The following ZDHHC13 variants were observed in gnomAD, a reference collection of about 807,000 sequenced individuals.
ZDHHC13 encodes zDHHC palmitoyltransferase 13.
A neutral mutation model predicts 86.0 loss-of-function variants in ZDHHC13; 85 were observed. That is an observed-to-expected ratio of 0.99 (90% CI 0.83 to 1.18). The LOEUF (loss-of-function observed/expected upper bound fraction) is 1.18, where lower values mean the gene tolerates loss of function less well. Ranked by LOEUF, ZDHHC13 falls within the 50% of genes most tolerant of loss-of-function variation. The pLI is 0.00. For synonymous variants in ZDHHC13, 263 were observed against 246.4 expected (o/e 1.07, Z -0.63); for missense variants, 711 against 730.2 (o/e 0.97, Z 0.30).
At chr11:19,162,963 A>G (rs955015253) in intron 10 of ZDHHC13, among the ~76,000 whole-genome samples, 10 of 152,200 alleles carry the variant, frequency 6.6e-5, no homozygotes, top group African/African-American at 2.4e-4. Flanking sequence ...TAAAATGATC[A>G]AAGAATATTT....
At chr11:19,164,138 A>G in intron 11 of ZDHHC13, 163 bp from the exon 12 acceptor site, 1 of 646,284 alleles carries the variant, frequency 1.5e-6, no homozygotes, top group East Asian at 3.0e-5. Context: ...TGCAACCTTG[A>G]AGAGTCACAT....
chr11:19,176,172 T>TA lies in ZDHHC13; in HGVS notation c.*222dup, dbSNP rs375550311. 8,805 of 343,060 alleles carry TA rather than the reference T, an allele frequency of 0.026. No individual in the cohort carries two copies. Among genetic ancestry groups the TA allele is most frequent in the East Asian group, 0.035 (700 of 20,008 alleles). The allele number at this position is 343,060 out of a possible 1,614,324, so 21.3% of individuals were successfully genotyped here. A position where few individuals can be genotyped will look rare whatever the true frequency, so the allele number is the denominator to read the frequency against. Reference sequence around the variant, plus strand: ...TTTCTGATAAATCTTGGCAGACATCTAAAAAAAAAACCATATTTTTCACAA... The same window carrying TA: ...TTTCTGATAAATCTTGGCAGACATCTAAAAAAAAAAACCATATTTTTCACAA... On this transcript the variant is annotated 3_prime_UTR_variant, in exon 17 of 17. Coordinates refer to ENST00000446113, the MANE Select transcript of ZDHHC13 (RefSeq NM_019028.3).
intron 1 of ZDHHC13, among the ~76,000 whole-genome samples, chr11:19,129,263 A>G (rs759226886): frequency 2.0e-4 from 31 of 152,070 alleles, no homozygotes; most frequent in Non-Finnish European, 3.4e-4. Context: ...CTATTTTATT[A>G]TGCTGTCTGG....
At chr11:19,170,798 C>T (rs1850201901) in intron 15 of ZDHHC13, among the ~76,000 whole-genome samples, 1 of 152,136 alleles carries the variant, frequency 6.6e-6, no homozygotes. Context: ...TAAAGGTTAG[C>T]ATAATAAATT....
In ZDHHC13 at chr11:19,176,113, G is replaced by A. The variant is rs536924281; in HGVS notation, c.*153G>A. The A allele has an allele frequency of 2.4e-5, 17 of 704,024 alleles. No individual in the cohort carries two copies. Among genetic ancestry groups the A allele is most frequent in the African/African-American group, 2.2e-4 (12 of 54,330 alleles). The allele number at this position is 704,024 out of a possible 1,614,324, so 43.6% of individuals were successfully genotyped here. A position where few individuals can be genotyped will look rare whatever the true frequency, so the allele number is the denominator to read the frequency against. ...TAGGTAAAAAAAGTTCTCAATAAAG[G>A]CATTACAATTTTTTAGGTTTAGAAA... is the stretch of plus-strand genomic sequence containing the variant. On this transcript the variant is annotated 3_prime_UTR_variant, in exon 17 of 17. Coordinates refer to ENST00000446113, the MANE Select transcript of ZDHHC13 (RefSeq NM_019028.3).
intron 1 of ZDHHC13, among the ~76,000 whole-genome samples, chr11:19,120,064 A>C (rs1046944126): frequency 6.6e-6 from 1 of 152,212 alleles, no homozygotes; most frequent in Non-Finnish European, 1.5e-5. Flanking sequence ...CTTATATACA[A>C]TTTAGAAAAA....
rs758861393 is a variant in ZDHHC13, at chr11:19,152,577, A to G, written c.766A>G (p.Met256Val). ...QNVKGETPLD[M>V]ALQNKNQLII... Reference sequence around the variant, plus strand: ...TTTTAAGGGAGAAACACCTCTTGATATGGCTCTACAAAACAAAAATCAGCT... The same window carrying G: ...TTTTAAGGGAGAAACACCTCTTGATGTGGCTCTACAAAACAAAAATCAGCT... Residue 256 changes from methionine (M) to valine (V), a missense_variant, in exon 8 of 17, where the codon ATG becomes GTG. Physicochemically the swap from Met to Val is conservative, Grantham distance 21 (BLOSUM62 1). Coordinates refer to ENST00000446113, the MANE Select transcript of ZDHHC13 (RefSeq NM_019028.3). The G allele has an allele frequency of 1.2e-6, 2 of 1,612,260 alleles. No homozygotes were observed. The highest frequency in any genetic ancestry group is 1.3e-5 in the African/African-American group (1 of 74,978).
chr11:19,124,765 G>GC (rs1037139539), intron 1 of ZDHHC13, among the ~76,000 whole-genome samples: 1 of 151,652 alleles, frequency 6.6e-6, no homozygotes, highest in Non-Finnish European at 1.5e-5. Context: ...GTGTGTGTGG[G>GC]GGGGTACTGA....
At chr11:19,142,352 G>T (rs552463956) in intron 1 of ZDHHC13, among the ~76,000 whole-genome samples, 4 of 152,296 alleles carry the variant, frequency 2.6e-5, no homozygotes, top group Non-Finnish European at 4.4e-5. Flanking sequence ...TCTTGCTTCA[G>T]TTGGCTAAGA....
chr11:19,155,800 T>C lies in ZDHHC13; in HGVS notation c.878T>C (p.Phe293Ser). 1.2e-6 allele frequency: 2 copies of C among 1,611,644 alleles called. No individual in the cohort carries two copies. Among genetic ancestry groups the C allele is most frequent in the Non-Finnish European group, 1.7e-6 (2 of 1,179,486 alleles). The change falls in exon 9 of 17, where the codon TTC (phenylalanine) becomes TCC (serine). Residue 293 changes from phenylalanine (F) to serine (S), a missense_variant. By Grantham distance (155) the Phe-to-Ser change is radical. Transcript: ENST00000446113. ...LWRWLQKCEL[F>S]LLLMLSVITM... ...AAATTCTGAATCTCTTAATAGCTCT[T>C]CCTGCTGCTGATGCTTTCTGTGATT... is the stretch of plus-strand genomic sequence containing the variant.
chr11:19,141,459 T>C (rs1034071448), intron 1 of ZDHHC13, among the ~76,000 whole-genome samples: 1 of 152,236 alleles, frequency 6.6e-6, no homozygotes, highest in South Asian at 2.1e-4. Flanking sequence ...GTGAGCATCA[T>C]TTGTGCTAAA....
At position 19,129,824 on chromosome 11, in the gene ZDHHC13, C is replaced by G. The variant is rs143287976; in HGVS notation, c.27+12548C>G. 6.9e-3 allele frequency among the ~76,000 whole-genome samples: 1,044 copies of G among 152,086 alleles called. 9 individuals are homozygous for G. The highest frequency in any genetic ancestry group is 0.024 in the African/African-American group (985 of 41,482). ...AAATGAGCTGGGGGCCGGGTGCGGT[C>G]GCTCACACCTGTAATCCCAGCACTT... On this transcript the variant is annotated intron_variant, in intron 1 of 16. Coordinates refer to ENST00000446113, the MANE Select transcript of ZDHHC13 (RefSeq NM_019028.3).
chr11:19,172,748 A>G lies in ZDHHC13; in HGVS notation c.1658A>G (p.His553Arg), dbSNP rs772849764. 8 of 1,604,322 alleles carry G rather than the reference A, an allele frequency of 5.0e-6. No individual in the cohort carries two copies. The African/African-American group carries it at 6.7e-5, about 13-fold the overall frequency. Reference protein sequence around the residue: ...FQIAFLGLTSHERISLQKQSK... With the variant: ...FQIAFLGLTSRERISLQKQSK... Reference sequence around the variant, plus strand: ...ATTGCCTTTCTGGGCCTGACCTCCCATGAGAGAATCAGCCTGCAGAAGCAG... The same window carrying G: ...ATTGCCTTTCTGGGCCTGACCTCCCGTGAGAGAATCAGCCTGCAGAAGCAG... Residue 553 changes from histidine to arginine, a missense_variant, in exon 16 of 17, where the codon CAT becomes CGT. Physicochemically the swap from His to Arg is conservative, Grantham distance 29. Coordinates refer to ENST00000446113, the MANE Select transcript of ZDHHC13 (RefSeq NM_019028.3).
At position 19,149,287 on chromosome 11, in the gene ZDHHC13, T is replaced by C. The variant is rs1460778384; in HGVS notation, c.475T>C (p.Phe159Leu). ...GFSSIHLAVL[F>L]QHMPIIAYLI... ...CAGCAGCATCCACCTGGCAGTATTG[T>C]TTCAACACATGCCTATTATAGCATA... Residue 159 changes from phenylalanine (F) to leucine (L), a missense_variant, in exon 5 of 17, where the codon TTT (phenylalanine) becomes CTT (leucine). Transcript: ENST00000446113. 6.2e-7 allele frequency: 1 copy of C among 1,605,720 alleles called. No homozygotes were observed. Among genetic ancestry groups the C allele is most frequent in the Non-Finnish European group, 8.5e-7 (1 of 1,175,304 alleles).
intron 16 of ZDHHC13, among the ~76,000 whole-genome samples, chr11:19,173,368 G>T (rs1850276210): frequency 6.6e-6 from 1 of 152,202 alleles, no homozygotes; most frequent in African/African-American, 2.4e-5. Flanking sequence ...GAAAATGAGA[G>T]TATGTATAGA....
chr11:19,132,394 G>T (rs561795756), intron 1 of ZDHHC13, among the ~76,000 whole-genome samples: 2 of 152,114 alleles, frequency 1.3e-5, no homozygotes, highest in Non-Finnish European at 2.9e-5. Context: ...AAGAGTCTCC[G>T]CTTTGGCTGA....
Position 19,127,399 on chromosome 11 carries a change from T to C in ZDHHC13, c.27+10123T>C, listed in dbSNP as rs1050668683. On this transcript the variant is annotated intron_variant, in intron 1 of 16. Coordinates refer to ENST00000446113, the MANE Select transcript of ZDHHC13 (RefSeq NM_019028.3). ...AAATATTGTCTCCCATTTTGTAGGA[T>C]GTCTGTTTACTCTGTTGATAGTTTA... 7.2e-5 allele frequency among the ~76,000 whole-genome samples: 11 copies of C among 152,358 alleles called. No individual in the cohort carries two copies. The East Asian group carries it at 2.1e-3, about 29-fold the overall frequency.
chr11:19,142,998 C>T lies in ZDHHC13; in HGVS notation c.48C>T (p.Gly16=), dbSNP rs755756854. 3.0e-5 allele frequency: 48 copies of T among 1,609,520 alleles called. No individual in the cohort carries two copies. The highest frequency in any genetic ancestry group is 3.3e-4 in the Middle Eastern group (2 of 6,074). The change falls in exon 2 of 17, where the codon GGC becomes GGT. Residue 16 remains glycine (G), a synonymous_variant. Transcript: ENST00000446113. ...TTCAGTGCAGGAATCACAGCCATGGCCCCCACCCTCCAGGATTTGGTCGAT... is the reference window on the plus strand; with the variant it reads ...TTCAGTGCAGGAATCACAGCCATGGTCCCCACCCTCCAGGATTTGGTCGAT... ...LGSQCRNHSH[G]PHPPGFGRYG...
intron 2 of ZDHHC13, 46 bp downstream of exon 2, chr11:19,143,169 T>A: frequency 6.4e-7 from 1 of 1,568,986 alleles, no homozygotes; most frequent in Non-Finnish European, 8.6e-7. Context: ...TCTCTAGAAT[T>A]AATAGTAATA....
Sources: gnomAD v4.1 joint callset for allele counts (sites outside exome capture counted in the v4.1 genomes callset) on GRCh38, gnomAD v4.1.1 for gene constraint, MANE v1.5 for transcripts, NCBI Gene and HGNC (gene_info 2026-07-23, HGNC 2026-07-21) for gene names.